The following RBFOX1 variants were observed in gnomAD, a reference collection of about 807,000 sequenced individuals.
RBFOX1 encodes the protein RNA binding fox-1 homolog 1.
In RBFOX1, 8 loss-of-function variants were observed where a neutral mutation model predicts 57.7. That is an observed-to-expected ratio of 0.14 (90% CI 0.08 to 0.25). RBFOX1 has a LOEUF of 0.25. Among genes scored for constraint, RBFOX1 ranks in the 10% least tolerant of loss-of-function variants. The pLI is 1.00. For synonymous variants in RBFOX1, 326 were observed against 222.4 expected (o/e 1.47, Z -4.15); for missense variants, 611 against 548.5 (o/e 1.11, Z -1.14).
At chr16:6,260,188 T>C (rs74005053) in intron 1 of RBFOX1, among the ~76,000 whole-genome samples, 2,873 of 152,296 alleles carry the variant, frequency 0.019, 65 homozygotes, top group African/African-American at 0.056. Context: ...AATAATTCTG[T>C]ACTTTACATG....
intron 4 of RBFOX1, among the ~76,000 whole-genome samples, chr16:7,437,218 A>T (rs771698113): frequency 3.3e-5 from 5 of 151,584 alleles, no homozygotes; most frequent in Non-Finnish European, 7.4e-5. Context: ...CAAACATACT[A>T]TCCTCAACTG....
At chr16:6,239,267 C>T (rs1003653222) in intron 1 of RBFOX1, among the ~76,000 whole-genome samples, 1 of 152,018 alleles carries the variant, frequency 6.6e-6, no homozygotes, top group Non-Finnish European at 1.5e-5. Flanking sequence ...TTAATCTCCC[C>T]TCGCAGACTT....
At chr16:7,159,530 T>C (rs948499116) in intron 4 of RBFOX1, among the ~76,000 whole-genome samples, 1 of 152,164 alleles carries the variant, frequency 6.6e-6, no homozygotes, top group Non-Finnish European at 1.5e-5. Context: ...GCTAGGACTA[T>C]AGCTTCCATG....
intron 4 of RBFOX1, among the ~76,000 whole-genome samples, chr16:7,426,272 G>A (rs532876535): frequency 1.1e-4 from 17 of 152,172 alleles, no homozygotes; most frequent in South Asian, 8.3e-4. Context: ...TCCTGGCATC[G>A]TCTCCCCGCT....
At chr16:6,606,388 G>T (rs78777108) in intron 2 of RBFOX1, among the ~76,000 whole-genome samples, 10 of 152,108 alleles carry the variant, frequency 6.6e-5, no homozygotes, top group Admixed American at 1.3e-4. Context: ...ATGTTCTGGG[G>T]TACATGTCCA....
intron 3 of RBFOX1, among the ~76,000 whole-genome samples, chr16:5,856,569 G>GTATATATATATATATATA (rs2057068287): frequency 3.0e-5 from 1 of 32,960 alleles, no homozygotes; most frequent in South Asian, 1.4e-3. Context: ...GTGTATGTGT[G>GTATATATATATATATATA]TGTGTGTATA....
chr16:5,749,360 C>T (rs567145315), intron 3 of RBFOX1, among the ~76,000 whole-genome samples: 11 of 152,166 alleles, frequency 7.2e-5, no homozygotes, highest in South Asian at 2.1e-4. Context: ...TTGCTCTTCT[C>T]GAGGAGTATC....
At chr16:6,984,791 C>A (rs569373516) in intron 3 of RBFOX1, among the ~76,000 whole-genome samples, 51 of 152,176 alleles carry the variant, frequency 3.4e-4, no homozygotes, top group South Asian at 6.2e-4. Flanking sequence ...GAGGTGCATG[C>A]CACCACACCT....
At chr16:7,135,538 A>T (rs1040791632) in intron 4 of RBFOX1, among the ~76,000 whole-genome samples, 7 of 152,270 alleles carry the variant, frequency 4.6e-5, no homozygotes, top group Non-Finnish European at 8.8e-5. Flanking sequence ...ATAAGAAGAT[A>T]ATTAAGGTAA....
intron 2 of RBFOX1, among the ~76,000 whole-genome samples, chr16:5,592,832 T>C (rs752418343): frequency 6.6e-6 from 1 of 152,188 alleles, no homozygotes; most frequent in East Asian, 1.9e-4. Context: ...CAAGGAGATA[T>C]GTCAGAGCCC....
intron 5 of RBFOX1, among the ~76,000 whole-genome samples, chr16:7,558,392 TCACA>T (rs1420032397): frequency 6.6e-6 from 1 of 151,860 alleles, no homozygotes; most frequent in African/African-American, 2.4e-5. Context: ...GCGCACACAC[TCACA>T]CACATATATA....
At chr16:7,376,723 A>C (rs1176679440) in intron 4 of RBFOX1, among the ~76,000 whole-genome samples, 1 of 152,216 alleles carries the variant, frequency 6.6e-6, no homozygotes, top group African/African-American at 2.4e-5. Context: ...AAGTATAATT[A>C]ATCCAGGTTT....
At chr16:6,565,335 C>T (rs1048397404) in intron 2 of RBFOX1, among the ~76,000 whole-genome samples, 13 of 151,894 alleles carry the variant, frequency 8.6e-5, no homozygotes, top group Non-Finnish European at 1.3e-4. Context: ...TGGCTCACTG[C>T]AACCTCCATC....
At chr16:6,823,549 G>C (rs2091675578) in intron 3 of RBFOX1, among the ~76,000 whole-genome samples, 1 of 152,128 alleles carries the variant, frequency 6.6e-6, no homozygotes, top group African/African-American at 2.4e-5. Flanking sequence ...GAGCCACTGT[G>C]TCTGGCCACC....
chr16:7,086,971 C>G (rs2060089963), intron 4 of RBFOX1, among the ~76,000 whole-genome samples: 2 of 152,156 alleles, frequency 1.3e-5, no homozygotes, highest in African/African-American at 4.8e-5. Context: ...GAGCCCTGCA[C>G]AGAGATGGGC....
intron 4 of RBFOX1, among the ~76,000 whole-genome samples, chr16:7,389,533 C>G (rs956642154): frequency 1.3e-5 from 2 of 152,188 alleles, no homozygotes; most frequent in African/African-American, 4.8e-5. Context: ...ATTGCTTAAT[C>G]TTGCGAACAA....
At chr16:5,875,372 C>A (rs1238610969) in intron 4 of RBFOX1, among the ~76,000 whole-genome samples, 1 of 152,142 alleles carries the variant, frequency 6.6e-6, no homozygotes, top group Non-Finnish European at 1.5e-5. Context: ...AGCATGACTG[C>A]CATTGTTTAT....
At chr16:5,746,462 C>G (rs1415772369) in intron 3 of RBFOX1, among the ~76,000 whole-genome samples, 3 of 152,068 alleles carry the variant, frequency 2.0e-5, no homozygotes, top group Non-Finnish European at 4.4e-5. Context: ...GTAGTTTTTT[C>G]CAATTCTGTG....
chr16:5,745,476 T>C (rs1192141815), intron 3 of RBFOX1, among the ~76,000 whole-genome samples: 1 of 152,228 alleles, frequency 6.6e-6, no homozygotes, highest in Non-Finnish European at 1.5e-5. Flanking sequence ...GATTGCTGGG[T>C]CAAATGATAT....
Sources: gnomAD v4.1 joint callset for allele counts (sites outside exome capture counted in the v4.1 genomes callset) on GRCh38, gnomAD v4.1.1 for gene constraint, MANE v1.5 for transcripts, NCBI Gene and HGNC (gene_info 2026-07-23, HGNC 2026-07-21) for gene names.